The following USP25 variants were observed in gnomAD, a reference collection of about 807,000 sequenced individuals.
The protein encoded by USP25 is ubiquitin specific peptidase 25.
A neutral mutation model predicts 158.5 loss-of-function variants in USP25; 85 were observed. That is an observed-to-expected ratio of 0.54 (90% confidence interval 0.45 to 0.64). The LOEUF (loss-of-function observed/expected upper bound fraction) is 0.64. USP25 is among the 30% of genes least tolerant of loss of function. The pLI, the probability that USP25 is intolerant of heterozygous loss-of-function variation, is 0.00. For missense variants in USP25, 1,242 were observed against 1,327.3 expected (o/e 0.94, Z 1.00); for synonymous variants, 464 against 460.4 (o/e 1.01, Z -0.10).
intron 4 of USP25, among the ~76,000 whole-genome samples, chr21:15,787,843 A>C (rs16989715): frequency 0.028 from 4,277 of 151,240 alleles, 187 homozygotes; most frequent in African/African-American, 0.098. Flanking sequence ...GGATATTTTC[A>C]GTATTACTGC....
At chr21:15,864,938 T>C (rs946284289) in intron 21 of USP25, among the ~76,000 whole-genome samples, 1 of 151,970 alleles carries the variant, frequency 6.6e-6, no homozygotes, top group East Asian at 1.9e-4. Context: ...TGGAGAAAAG[T>C]TTTCAGTCTT....
chr21:15,796,770 A>G (rs536012316), intron 5 of USP25, among the ~76,000 whole-genome samples: 3 of 151,478 alleles, frequency 2.0e-5, no homozygotes, highest in African/African-American at 7.2e-5. Context: ...CCTTTCCTCA[A>G]TTTTTCATAC....
chr21:15,806,408 TC>T (rs1366465479), intron 7 of USP25, among the ~76,000 whole-genome samples: 4 of 143,448 alleles, frequency 2.8e-5, no homozygotes, highest in Non-Finnish European at 6.0e-5. Flanking sequence ...GATGGCTTTT[TC>T]CTTGTCTTTT....
chr21:15,793,421 C>T (rs932474241), intron 5 of USP25, among the ~76,000 whole-genome samples: 2 of 138,296 alleles, frequency 1.4e-5, no homozygotes, highest in African/African-American at 6.3e-5. Flanking sequence ...GTTTGCTAAT[C>T]TTAGCTTTTC....
chr21:15,822,637 A>T (rs565718698), intron 10 of USP25, among the ~76,000 whole-genome samples: 1 of 152,096 alleles, frequency 6.6e-6, no homozygotes, highest in African/African-American at 2.4e-5. Context: ...AGAGAATATT[A>T]TCCTAAAGAA....
chr21:15,736,961 G>T (rs2031580637), intron 1 of USP25, among the ~76,000 whole-genome samples: 1 of 150,026 alleles, frequency 6.7e-6, no homozygotes, highest in Non-Finnish European at 1.5e-5. Context: ...TACCTTGTAA[G>T]ATTTTACTCT....
chr21:15,862,615 A>G (rs2039476135), intron 20 of USP25, among the ~76,000 whole-genome samples: 1 of 149,284 alleles, frequency 6.7e-6, no homozygotes, highest in South Asian at 2.1e-4. Context: ...AAGATTTTTA[A>G]AGAGCTCTAA....
chr21:15,870,017 T>G, intron 22 of USP25, 51 bp from the exon 23 acceptor site: 1 of 1,385,108 alleles, frequency 7.2e-7, no homozygotes, highest in Non-Finnish European at 1.0e-6. Context: ...AGTTTCATAG[T>G]ACTTTTTAAA....
intron 20 of USP25, among the ~76,000 whole-genome samples, chr21:15,850,566 T>C (rs1030231654): frequency 2.6e-5 from 4 of 151,960 alleles, no homozygotes; most frequent in African/African-American, 9.7e-5. Context: ...TTTTTTTTTT[T>C]CACTCTTTTC....
intron 1 of USP25, among the ~76,000 whole-genome samples, chr21:15,742,409 A>T (rs1377675818): frequency 6.6e-6 from 1 of 152,220 alleles, no homozygotes; most frequent in African/African-American, 2.4e-5. Context: ...CCAACTGTGC[A>T]TTCACATATA....
In USP25 at chr21:15,833,379, T is replaced by C. The variant is rs188138541; in HGVS notation, c.2025T>C (p.Leu675=). 18 of 1,613,856 alleles carry C rather than the reference T, an allele frequency of 1.1e-5. No individual in the cohort carries two copies. The highest frequency in any genetic ancestry group is 1.7e-4 in the Middle Eastern group (1 of 6,056). The change falls in exon 17 of 26, where the codon CTT becomes CTC. Residue 675 remains leucine, a synonymous_variant. Transcript: ENST00000400183. ...TTAATAAAGAAACTGGGCAGCCCCT[T>C]GTTGGTATAGAAACATTACCACCGG... ...EEFNKETGQP[L]VGIETLPPDL...
At position 15,766,675 on chromosome 21, in the gene USP25, A is replaced by G. The variant is rs1268316092; in HGVS notation, c.268+534A>G. On this transcript the variant is annotated intron_variant, in intron 3 of 25. Coordinates refer to ENST00000400183, the MANE Select transcript of USP25 (RefSeq NM_001283041.3). The surrounding 1 kb of genome is among the most constrained non-coding windows in gnomAD (Gnocchi z 4.0). ...AAGTGTTTTGGAGATACAAATACGT[A>G]CATGTGGAAGATTCTATGTGGGACT... Among the ~76,000 whole-genome samples the G allele has an allele frequency of 6.6e-6, 1 of 152,108 alleles. No individual in the cohort carries two copies. Among genetic ancestry groups the G allele is most frequent in the Non-Finnish European group, 1.5e-5 (1 of 67,968 alleles).
Position 15,830,535 on chromosome 21 carries a change from G to T in USP25, c.1698G>T (p.Leu566Phe). ...RTEIENDTRD[L>F]QESISRIHRT... ...AATGACACCTTATATCCTTAGATTT[G>T]CAGGAAAGCATATCCAGAATCCATC... Residue 566 changes from leucine to phenylalanine, a missense_variant, in exon 15 of 26, where the codon TTG (leucine) becomes TTT (phenylalanine). This residue lies in a region of USP25 where 627 missense variants were observed against 701.4 expected (regional missense o/e 0.89). Transcript: ENST00000400183. 1 of 1,603,846 alleles carries T rather than the reference G, an allele frequency of 6.2e-7. No individual in the cohort carries two copies. The highest frequency in any genetic ancestry group is 8.5e-7 in the Non-Finnish European group (1 of 1,175,450).
intron 5 of USP25, among the ~76,000 whole-genome samples, chr21:15,791,902 A>C (rs778286789): frequency 1.1e-4 from 17 of 151,756 alleles, no homozygotes; most frequent in Non-Finnish European, 2.2e-4. Flanking sequence ...ATTTGGAATC[A>C]ATTTATCCTT....
At chr21:15,750,021 A>G (rs944804590) in intron 1 of USP25, among the ~76,000 whole-genome samples, 2 of 151,948 alleles carry the variant, frequency 1.3e-5, no homozygotes, top group African/African-American at 4.8e-5. Flanking sequence ...GAGGCTGTGT[A>G]GCTTCCACTT....
chr21:15,838,509 A>G (rs1175973559), intron 17 of USP25, among the ~76,000 whole-genome samples: 1 of 151,870 alleles, frequency 6.6e-6, no homozygotes, highest in East Asian at 1.9e-4. Context: ...TCTCCCCCAC[A>G]CCCCTCAGAC....
At chr21:15,791,125 G>T (rs750367922) in intron 4 of USP25, among the ~76,000 whole-genome samples, 29 of 151,752 alleles carry the variant, frequency 1.9e-4, no homozygotes, top group Admixed American at 2.0e-4. Context: ...TTGATTCAGA[G>T]TAATTGTTAT....
intron 20 of USP25, among the ~76,000 whole-genome samples, chr21:15,862,479 T>G (rs1009282471): frequency 6.6e-6 from 1 of 151,988 alleles, no homozygotes; most frequent in Non-Finnish European, 1.5e-5. Context: ...AAGGTTCATA[T>G]CAACAAGAAC....
intron 20 of USP25, among the ~76,000 whole-genome samples, chr21:15,854,480 C>G (rs2039042304): frequency 6.6e-6 from 1 of 151,918 alleles, no homozygotes; most frequent in Non-Finnish European, 1.5e-5. Context: ...TTCTGTCCTG[C>G]CACGTCCTGA....
Sources: allele counts gnomAD v4.1 joint callset (sites outside exome capture counted in the v4.1 genomes callset), GRCh38; gene constraint gnomAD v4.1.1; regional missense constraint gnomAD v4.1.1; non-coding constraint Gnocchi (gnomAD v3.1); transcripts MANE v1.5; gene names NCBI Gene and HGNC (gene_info 2026-07-23, HGNC 2026-07-21).